Variants in PTPRD observed in about 807,000 individuals in gnomAD.
PTPRD encodes the protein receptor-type tyrosine-protein phosphatase delta.
A neutral mutation model predicts 214.5 loss-of-function variants in PTPRD; 34 were observed. The ratio of observed to expected loss-of-function variants is 0.16; its 90% CI spans 0.12 to 0.21. The LOEUF (loss-of-function observed/expected upper bound fraction) is 0.21, where lower values mean the gene tolerates loss of function less well. PTPRD is among the 10% of genes least tolerant of loss of function. PTPRD has a pLI of 1.00. For missense variants in PTPRD, 2,545 were observed against 2,398.7 expected, an observed-to-expected ratio of 1.06 and a Z score of -1.27; for synonymous variants, 1,128 against 845.7, an observed-to-expected ratio of 1.33 and a Z score of -5.79.
chr9:9,118,743 G>C (rs546218005), intron 10 of PTPRD, among the ~76,000 whole-genome samples: 2 of 152,182 alleles, frequency 1.3e-5, no homozygotes, highest in African/African-American at 4.8e-5. Context: ...AAAGCAGTGA[G>C]CTCAATATAC....
intron 14 of PTPRD, among the ~76,000 whole-genome samples, chr9:8,546,496 TTC>T (rs1377486914): frequency 2.6e-5 from 4 of 152,108 alleles, no homozygotes; most frequent in Admixed American, 1.3e-4. Context: ...TCTTTCTTTT[TTC>T]TTTTTCTTTT....
At chr9:9,121,315 A>T (rs1425548919) in intron 10 of PTPRD, among the ~76,000 whole-genome samples, 1 of 152,210 alleles carries the variant, frequency 6.6e-6, no homozygotes, top group Non-Finnish European at 1.5e-5. Flanking sequence ...GAGCAATGAC[A>T]CTACTGGGTA....
Position 10,405,946 on chromosome 9 carries a change from T to G in PTPRD, c.-599-64929A>C, listed in dbSNP as rs191196128. The stretch of plus-strand genomic sequence containing the variant: ...TGAGTTCTACAGCATATTAATGCTC[T>G]TAAACTATATCAATGTATATTATTA... On this transcript the variant is annotated intron_variant, in intron 2 of 45. Coordinates refer to ENST00000381196, the MANE Select transcript of PTPRD (RefSeq NM_002839.4). 2.5e-3 allele frequency among the ~76,000 whole-genome samples: 373 copies of G among 151,588 alleles called. 7 individuals carry two copies. Among genetic ancestry groups the G allele is most frequent in the Admixed American group, 0.024 (358 of 15,162 alleles).
chr9:10,343,488 T>C (rs942045686), intron 2 of PTPRD, among the ~76,000 whole-genome samples: 2 of 152,196 alleles, frequency 1.3e-5, no homozygotes, highest in Non-Finnish European at 2.9e-5. Context: ...TTTGGGTATA[T>C]ACCCAGTAAC....
chr9:9,638,570 T>G, intron 7 of PTPRD, among the ~76,000 whole-genome samples: 1 of 152,178 alleles, frequency 6.6e-6, no homozygotes, highest in Admixed American at 6.5e-5. Context: ...AGCCCTCACC[T>G]GAATCACCCT....
chr9:9,635,708 C>A (rs984654270), intron 7 of PTPRD, among the ~76,000 whole-genome samples: 1 of 152,196 alleles, frequency 6.6e-6, no homozygotes, highest in Non-Finnish European at 1.5e-5. Context: ...CTACCAGTTA[C>A]TTCAGCGAGC....
chr9:9,934,313 C>A (rs1297195185), intron 5 of PTPRD, among the ~76,000 whole-genome samples: 1 of 150,720 alleles, frequency 6.6e-6, no homozygotes, highest in Admixed American at 6.6e-5. Context: ...AAAAGATCAA[C>A]AAAATAGACT....
chr9:9,384,730 T>C (rs989584196), intron 9 of PTPRD, among the ~76,000 whole-genome samples: 2 of 152,080 alleles, frequency 1.3e-5, no homozygotes, highest in African/African-American at 4.8e-5. Context: ...AATATTATTA[T>C]ACAGACTTTC....
chr9:9,970,310 C>T (rs945831639), intron 4 of PTPRD, among the ~76,000 whole-genome samples: 53 of 151,304 alleles, frequency 3.5e-4, no homozygotes, highest in African/African-American at 1.1e-3. Context: ...ATTAGCCGGG[C>T]GTGGTGGCAG....
At chr9:9,078,139 A>G (rs992673211) in intron 10 of PTPRD, among the ~76,000 whole-genome samples, 5 of 152,138 alleles carry the variant, frequency 3.3e-5, no homozygotes, top group Non-Finnish European at 7.4e-5. Context: ...AATACAAAAA[A>G]GAACCCATAA....
At chr9:9,424,561 GATAAT>G (rs2080101504) in intron 8 of PTPRD, among the ~76,000 whole-genome samples, 1 of 152,108 alleles carries the variant, frequency 6.6e-6, no homozygotes, top group Non-Finnish European at 1.5e-5. Flanking sequence ...TAATTACAAA[GATAAT>G]AGAATCAGAA....
Position 8,551,936 on chromosome 9 carries a change from T to C in PTPRD, c.353-23157A>G, listed in dbSNP as rs180717764. ...ATGTGTTGAACTAAGCAAATAAGTG[T>C]AGATAAAATAATCTATGTTGGGATT... On this transcript the variant is annotated intron_variant, in intron 14 of 45. Transcript: ENST00000381196. Among the ~76,000 whole-genome samples the C allele has an allele frequency of 3.3e-3, 507 of 152,274 alleles. 3 individuals carry two copies. Among genetic ancestry groups the C allele is most frequent in the African/African-American group, 0.012 (487 of 41,558 alleles).
At chr9:10,152,642 A>G (rs1313469463) in intron 3 of PTPRD, among the ~76,000 whole-genome samples, 1 of 152,154 alleles carries the variant, frequency 6.6e-6, no homozygotes, top group Non-Finnish European at 1.5e-5. Flanking sequence ...CCTGACCAAC[A>G]TGGAGAAACC....
chr9:9,652,427 T>C (rs1030026312), intron 7 of PTPRD, among the ~76,000 whole-genome samples: 1 of 152,142 alleles, frequency 6.6e-6, no homozygotes. Context: ...CGTAGGAACT[T>C]GTAGTTGGGG....
At chr9:9,441,210 G>A (rs1432120417) in intron 8 of PTPRD, among the ~76,000 whole-genome samples, 4 of 152,170 alleles carry the variant, frequency 2.6e-5, no homozygotes, top group African/African-American at 7.2e-5. Context: ...AGGCAGCTGA[G>A]CAACAAGCCT....
chr9:8,975,787 C>A (rs781321156), intron 11 of PTPRD, among the ~76,000 whole-genome samples: 3 of 149,232 alleles, frequency 2.0e-5, no homozygotes, highest in Non-Finnish European at 4.5e-5. Context: ...ATTGAGAAAC[C>A]ATATATATAT....
chr9:8,680,532 A>G (rs905156178), intron 12 of PTPRD, among the ~76,000 whole-genome samples: 8 of 152,220 alleles, frequency 5.3e-5, no homozygotes, highest in Non-Finnish European at 1.2e-4. Context: ...TAAATTCAAT[A>G]GCAATTTTAT....
rs1344637634 is a variant in PTPRD at position 10,367,318 on chromosome 9, C to G, written c.-599-26301G>C. On this transcript the variant is annotated intron_variant, in intron 2 of 45. Coordinates refer to ENST00000381196, the MANE Select transcript of PTPRD (RefSeq NM_002839.4). ...AATCCTTGGTGTTTACCTTAAGAAA[C>G]CCTCTTAAGAGCTCAAGTCATCTTG... is the stretch of plus-strand genomic sequence containing the variant. 3.9e-5 allele frequency among the ~76,000 whole-genome samples: 6 copies of G among 152,016 alleles called. No homozygotes were observed. The South Asian group carries it at 1.2e-3, about 31-fold the overall frequency.
At chr9:8,647,578 A>G (rs2096721936) in intron 12 of PTPRD, among the ~76,000 whole-genome samples, 1 of 152,218 alleles carries the variant, frequency 6.6e-6, no homozygotes, top group South Asian at 2.1e-4. Flanking sequence ...TCAGAAAAAG[A>G]CTTCAAAACT....
Sources: gnomAD v4.1 joint callset for allele counts (sites outside exome capture counted in the v4.1 genomes callset) on GRCh38, gnomAD v4.1.1 for gene constraint, MANE v1.5 for transcripts, NCBI Gene and HGNC (gene_info 2026-07-23, HGNC 2026-07-21) for gene names.